The following NXPH2 variants were observed in gnomAD, a reference collection of about 807,000 sequenced individuals.
The protein encoded by NXPH2 is neurexophilin-2.
In NXPH2, 5 loss-of-function variants were observed where a neutral mutation model predicts 19.8. That is an observed-to-expected ratio of 0.25 (90% confidence interval 0.13 to 0.53). The LOEUF (loss-of-function observed/expected upper bound fraction) is 0.53. Among genes scored for constraint, NXPH2 ranks in the 20% least tolerant of loss-of-function variants. The pLI, the probability that NXPH2 is intolerant of heterozygous loss-of-function variation, is 0.96. For synonymous variants in NXPH2, 154 were observed against 127.4 expected (o/e 1.21, Z -1.41); for missense variants, 289 against 322.8 (o/e 0.90, Z 0.80).
intron 1 of NXPH2, among the ~76,000 whole-genome samples, chr2:138,699,809 G>T (rs895971327): frequency 1.4e-4 from 21 of 152,290 alleles, no homozygotes; most frequent in African/African-American, 5.1e-4. Flanking sequence ...ACGTTCATGC[G>T]TATTTTCTTG....
Position 138,711,299 on chromosome 2 carries a change from C to T in NXPH2, c.52-39634G>A, listed in dbSNP as rs529870819. 4.4e-4 allele frequency among the ~76,000 whole-genome samples: 67 copies of T among 152,080 alleles called. 1 individual carries two copies. Among genetic ancestry groups the T allele is most frequent in the African/African-American group, 1.4e-3 (56 of 41,472 alleles). ...GGGATTACAGGCACCCACCACCACG[C>T]CCGGCTAATTTTTGTATTTTTAGTA... On this transcript the variant is annotated intron_variant, in intron 1 of 1. Transcript: ENST00000272641.
chr2:138,711,221 A>G (rs1319785084), intron 1 of NXPH2, among the ~76,000 whole-genome samples: 4 of 129,676 alleles, frequency 3.1e-5, no homozygotes, highest in African/African-American at 1.2e-4. Context: ...GCTCACTGCA[A>G]CCTCCATCTC....
chr2:138,729,781 G>A (rs1169334704), intron 1 of NXPH2, among the ~76,000 whole-genome samples: 1 of 152,094 alleles, frequency 6.6e-6, no homozygotes, highest in Admixed American at 6.5e-5. Flanking sequence ...TTTCAAACAT[G>A]ACCCTGTATC....
intron 1 of NXPH2, among the ~76,000 whole-genome samples, chr2:138,706,845 G>A (rs1681022644): frequency 6.6e-6 from 1 of 151,852 alleles, no homozygotes; most frequent in African/African-American, 2.4e-5. Flanking sequence ...TGAGGCTATA[G>A]TGAGCTATGA....
At chr2:138,674,864 T>C (rs541788403) in intron 1 of NXPH2, among the ~76,000 whole-genome samples, 6 of 152,326 alleles carry the variant, frequency 3.9e-5, no homozygotes, top group South Asian at 2.1e-4. Context: ...CAGTATTTAA[T>C]GAGATTCACC....
At chr2:138,776,333 A>T (rs1463691766) in intron 1 of NXPH2, among the ~76,000 whole-genome samples, 1 of 152,072 alleles carries the variant, frequency 6.6e-6, no homozygotes, top group Non-Finnish European at 1.5e-5. Flanking sequence ...TACAGAACAA[A>T]GATTAAGAAA....
intron 1 of NXPH2, among the ~76,000 whole-genome samples, chr2:138,725,755 ATCAGTGGCTT>A (rs548100180): frequency 1.3e-5 from 2 of 152,318 alleles, no homozygotes; most frequent in East Asian, 3.9e-4. Context: ...AGCTTCAGTG[ATCAGTGGCTT>A]TCTCTGACAG....
intron 1 of NXPH2, among the ~76,000 whole-genome samples, chr2:138,744,423 C>A (rs1322023452): frequency 1.3e-5 from 2 of 151,988 alleles, no homozygotes; most frequent in African/African-American, 4.8e-5. Context: ...TTGGTTCTAG[C>A]CTGACTACTT....
At chr2:138,728,585 G>A (rs1231732254) in intron 1 of NXPH2, among the ~76,000 whole-genome samples, 2 of 152,118 alleles carry the variant, frequency 1.3e-5, no homozygotes, top group Non-Finnish European at 2.9e-5. Flanking sequence ...TACTGTAGTG[G>A]CATTCAAAAA....
intron 1 of NXPH2, among the ~76,000 whole-genome samples, chr2:138,694,394 A>G (rs1169443894): frequency 1.3e-5 from 2 of 152,184 alleles, no homozygotes; most frequent in African/African-American, 2.4e-5. Flanking sequence ...TCCTAATCCA[A>G]TTTGACAGGT....
At chr2:138,696,239 T>C (rs989502158) in intron 1 of NXPH2, among the ~76,000 whole-genome samples, 16 of 152,134 alleles carry the variant, frequency 1.1e-4, no homozygotes, top group African/African-American at 3.9e-4. Flanking sequence ...GGAATTTACC[T>C]TAAGTGAAAA....
Position 138,745,498 on chromosome 2 carries a change from G to C in NXPH2, c.51+34693C>G, listed in dbSNP as rs74668936. 2.3e-4 allele frequency among the ~76,000 whole-genome samples: 18 copies of C among 79,358 alleles called. 1 individual carries two copies. Among genetic ancestry groups the C allele is most frequent in the Admixed American group, 7.2e-4 (4 of 5,530 alleles). The allele number at this position is 79,358 out of a possible 152,430, so 52.1% of individuals were successfully genotyped here. Reference sequence around the variant, plus strand: ...TCCTTTTCTTCTTTTTTTGGCGGGGGGGGGGGGGTGTTGTTTGCATGTTTT... The same window carrying C: ...TCCTTTTCTTCTTTTTTTGGCGGGGCGGGGGGGGTGTTGTTTGCATGTTTT... On this transcript the variant is annotated intron_variant, in intron 1 of 1. Transcript: ENST00000272641.
intron 1 of NXPH2, among the ~76,000 whole-genome samples, chr2:138,712,970 C>T (rs1231829954): frequency 1.3e-5 from 2 of 152,212 alleles, no homozygotes; most frequent in Admixed American, 1.3e-4. Flanking sequence ...CTATATCTAA[C>T]ACTGGTGATG....
rs1334439650 is a variant in NXPH2, at chr2:138,687,652, A to C, written c.52-15987T>G. ...TGCCTAGAAAACTCTAGGTTTTCTTATAGGGTTTTATGGCTTTAGGTCTAA... is the reference window on the plus strand; with the variant it reads ...TGCCTAGAAAACTCTAGGTTTTCTTCTAGGGTTTTATGGCTTTAGGTCTAA... On this transcript the variant is annotated intron_variant, in intron 1 of 1. Transcript: ENST00000272641. 8.5e-5 allele frequency among the ~76,000 whole-genome samples: 13 copies of C among 152,148 alleles called. 1 individual carries two copies. Among genetic ancestry groups the C allele is most frequent in the African/African-American group, 2.9e-4 (12 of 41,536 alleles).
intron 1 of NXPH2, among the ~76,000 whole-genome samples, chr2:138,709,754 G>A (rs1681068851): frequency 6.6e-6 from 1 of 152,018 alleles, no homozygotes; most frequent in Admixed American, 6.6e-5. Context: ...TCATCTAATT[G>A]GAATCAGTAA....
At chr2:138,724,542 C>T (rs1681328727) in intron 1 of NXPH2, among the ~76,000 whole-genome samples, 1 of 152,216 alleles carries the variant, frequency 6.6e-6, no homozygotes, top group East Asian at 1.9e-4. Context: ...TTGTTCACTG[C>T]TGGATGCCTG....
At chr2:138,721,476 T>A (rs1457740023) in intron 1 of NXPH2, among the ~76,000 whole-genome samples, 1 of 152,070 alleles carries the variant, frequency 6.6e-6, no homozygotes, top group Admixed American at 6.6e-5. Flanking sequence ...TTGTTTTTTT[T>A]TAATGGAGCA....
At chr2:138,724,467 T>C (rs1165130828) in intron 1 of NXPH2, among the ~76,000 whole-genome samples, 1 of 152,256 alleles carries the variant, frequency 6.6e-6, no homozygotes, top group Admixed American at 6.5e-5. Context: ...TGTGTGTGCA[T>C]GCTTGTGTGC....
intron 1 of NXPH2, among the ~76,000 whole-genome samples, chr2:138,763,844 C>G (rs1289764376): frequency 2.6e-5 from 4 of 152,212 alleles, no homozygotes; most frequent in Admixed American, 6.5e-5. Context: ...TCCCTGCAAT[C>G]TGTTACAGGT....
Sources: allele counts gnomAD v4.1 joint callset (sites outside exome capture counted in the v4.1 genomes callset), GRCh38; gene constraint gnomAD v4.1.1; transcripts MANE v1.5; gene names NCBI Gene and HGNC (gene_info 2026-07-23, HGNC 2026-07-21).